The following ATXN1 variants were observed in gnomAD, a reference collection of about 807,000 sequenced individuals.
ATXN1 encodes ataxin 1.
Under a neutral mutation model 56.4 loss-of-function variants are expected in ATXN1, and 8 were observed. The ratio of observed to expected loss-of-function variants is 0.14; its 90% CI spans 0.08 to 0.26. ATXN1 has a LOEUF of 0.26. ATXN1 is among the 10% of genes least tolerant of loss of function. The pLI is 1.00. For synonymous variants in ATXN1, 514 were observed against 494.6 expected (o/e 1.04, Z -0.52); for missense variants, 987 against 1,106.5 (o/e 0.89, Z 1.53).
At chr6:16,468,345 G>A (rs983074792) in intron 6 of ATXN1, among the ~76,000 whole-genome samples, 55 of 152,074 alleles carry the variant, frequency 3.6e-4, no homozygotes, top group African/African-American at 1.1e-3. Flanking sequence ...GCCACCACGC[G>A]TGGCTAATTT....
At chr6:16,313,649 T>A (rs1475919076) in intron 7 of ATXN1, among the ~76,000 whole-genome samples, 1 of 151,914 alleles carries the variant, frequency 6.6e-6, no homozygotes, top group African/African-American at 2.4e-5. Flanking sequence ...CTCTGCCTCC[T>A]GGATTCGAGC....
At chr6:16,703,204 C>T (rs12203830) in intron 2 of ATXN1, among the ~76,000 whole-genome samples, 15,045 of 151,892 alleles carry the variant, frequency 0.099, 1,014 homozygotes, top group African/African-American at 0.19. Context: ...AGCTGGAAAC[C>T]ATCATTCTCA....
At chr6:16,408,515 TAAAAA>T (rs34769591) in intron 6 of ATXN1, among the ~76,000 whole-genome samples, 1 of 136,846 alleles carries the variant, frequency 7.3e-6, no homozygotes, top group African/African-American at 2.8e-5. Flanking sequence ...ATGAGGATGG[TAAAAA>T]AAAAAAAAAA....
rs199511773 is a variant in ATXN1, at chr6:16,421,746, ATG to A, written c.-161+64224_-161+64225del. 3.3e-4 allele frequency among the ~76,000 whole-genome samples: 37 copies of A among 111,880 alleles called. No individual in the cohort carries two copies. The East Asian group carries it at 0.013, about 40-fold the overall frequency. 73.4% of individuals were successfully genotyped at this position (111,880 alleles called of 152,430 possible). ...CAGAAGTGAGTGCACACAAATGCACATGTGTGGGTGAGTGTGCATACAAGTAC... is the reference window on the plus strand; with the variant it reads ...CAGAAGTGAGTGCACACAAATGCACATGTGGGTGAGTGTGCATACAAGTAC... On this transcript the variant is annotated intron_variant, in intron 6 of 7. Coordinates refer to ENST00000436367, the MANE Select transcript of ATXN1 (RefSeq NM_001128164.2).
intron 6 of ATXN1, among the ~76,000 whole-genome samples, chr6:16,466,153 A>G (rs1017437164): frequency 2.0e-5 from 3 of 151,954 alleles, no homozygotes; most frequent in Admixed American, 1.3e-4. Flanking sequence ...CATCTCTACT[A>G]AAAATACAAA....
intron 7 of ATXN1, among the ~76,000 whole-genome samples, chr6:16,312,297 A>T (rs2113382614): frequency 6.6e-6 from 1 of 152,294 alleles, no homozygotes; most frequent in East Asian, 1.9e-4. Flanking sequence ...GCCTTTCATT[A>T]TTTCCGCATC....
intron 6 of ATXN1, among the ~76,000 whole-genome samples, chr6:16,397,323 T>C (rs1052541142): frequency 6.6e-6 from 1 of 152,190 alleles, no homozygotes; most frequent in African/African-American, 2.4e-5. Context: ...CAGGCTGGAG[T>C]GCAATGGCAC....
chr6:16,709,362 T>A (rs572366988), intron 2 of ATXN1, among the ~76,000 whole-genome samples: 4 of 152,108 alleles, frequency 2.6e-5, no homozygotes, highest in Non-Finnish European at 4.4e-5. Context: ...AACTTACCAA[T>A]AGCAAGAATA....
At chr6:16,583,271 G>C (rs955727672) in intron 4 of ATXN1, among the ~76,000 whole-genome samples, 3 of 152,156 alleles carry the variant, frequency 2.0e-5, no homozygotes, top group Non-Finnish European at 1.5e-5. Context: ...CTCATAGCAG[G>C]GTAACCAGTG....
intron 2 of ATXN1, among the ~76,000 whole-genome samples, chr6:16,731,229 G>A (rs1759968595): frequency 1.3e-5 from 2 of 151,890 alleles, no homozygotes; most frequent in African/African-American, 2.4e-5. Context: ...CTGCATGTAA[G>A]AGCTACACTA....
intron 3 of ATXN1, among the ~76,000 whole-genome samples, chr6:16,597,854 C>T (rs1762842884): frequency 6.6e-6 from 1 of 152,112 alleles, no homozygotes; most frequent in Admixed American, 6.5e-5. Flanking sequence ...GGAGTGCACA[C>T]ATCTCTGGCC....
chr6:16,665,233 G>C (rs1352392486), intron 2 of ATXN1, among the ~76,000 whole-genome samples: 1 of 152,176 alleles, frequency 6.6e-6, no homozygotes, highest in East Asian at 1.9e-4. Flanking sequence ...CTGAAGCATA[G>C]AAATAAACTC....
Position 16,306,545 on chromosome 6 carries a change from C to A in ATXN1, c.2232G>T (p.Leu744=), listed in dbSNP as rs764028090. The change falls in exon 8 of 8, where the codon CTG becomes CTT. Residue 744 remains leucine, a synonymous_variant. Transcript: ENST00000436367. The surrounding 1 kb of genome is among the most constrained non-coding windows in gnomAD (Gnocchi z 5.2). ...SAQMLSENGE[L]KFPEKMGLPA... ...GCAATCCCATTTTCTCTGGAAACTT[C>A]AGTTCGCCATTCTCAGAGAGCATCT... The A allele has an allele frequency of 3.9e-5, 63 of 1,614,170 alleles. 1 individual carries two copies. The South Asian group carries it at 6.6e-4, about 17-fold the overall frequency.
intron 4 of ATXN1, among the ~76,000 whole-genome samples, chr6:16,533,942 A>G (rs547607110): frequency 1.3e-5 from 2 of 152,252 alleles, no homozygotes; most frequent in South Asian, 4.1e-4. Flanking sequence ...ACAGGGTTGC[A>G]TTGCCTACTA....
intron 2 of ATXN1, among the ~76,000 whole-genome samples, chr6:16,699,443 C>A (rs1759236131): frequency 1.3e-5 from 2 of 152,170 alleles, no homozygotes; most frequent in African/African-American, 2.4e-5. Context: ...ACAAACATGT[C>A]CGGCTGAATT....
At chr6:16,588,690 A>G (rs1561768581) in intron 3 of ATXN1, among the ~76,000 whole-genome samples, 1 of 151,888 alleles carries the variant, frequency 6.6e-6, no homozygotes, top group African/African-American at 2.4e-5. Flanking sequence ...AACTGTGTCC[A>G]CTCTCACCCC....
At chr6:16,669,031 C>A (rs1202968669) in intron 2 of ATXN1, among the ~76,000 whole-genome samples, 2 of 152,112 alleles carry the variant, frequency 1.3e-5, no homozygotes, top group Non-Finnish European at 2.9e-5. Context: ...AAAATGAGAG[C>A]ATGTAAATCA....
chr6:16,444,115 CA>C (rs59044073), intron 6 of ATXN1, among the ~76,000 whole-genome samples: 93,729 of 131,200 alleles, frequency 0.71, 32,643 homozygotes, highest in African/African-American at 0.82. Flanking sequence ...GGCTCCGTCT[CA>C]AAAAAAAAAA....
intron 6 of ATXN1, among the ~76,000 whole-genome samples, chr6:16,386,544 T>C (rs1438686160): frequency 3.9e-5 from 6 of 152,184 alleles, no homozygotes; most frequent in Non-Finnish European, 5.9e-5. Context: ...CATTAACATA[T>C]GTGGATATCG....
Sources: gnomAD v4.1 joint callset for allele counts (sites outside exome capture counted in the v4.1 genomes callset) on GRCh38, gnomAD v4.1.1 for gene constraint, Gnocchi (gnomAD v3.1) non-coding constraint, MANE v1.5 for transcripts, NCBI Gene and HGNC (gene_info 2026-07-23, HGNC 2026-07-21) for gene names.